The following GUCY1A2 variants were observed in gnomAD, a reference collection of about 807,000 sequenced individuals.
GUCY1A2 encodes guanylate cyclase 1 soluble subunit alpha 2, also known as guanylate cyclase soluble subunit alpha-2.
In GUCY1A2, 27 loss-of-function variants were observed where a neutral mutation model predicts 63.5. The ratio of observed to expected loss-of-function variants is 0.43; its 90% CI spans 0.31 to 0.59. The LOEUF (loss-of-function observed/expected upper bound fraction) is 0.59. GUCY1A2 is among the 20% of genes least tolerant of loss of function. The pLI is 0.11. For missense variants in GUCY1A2, 768 were observed against 913.3 expected, an observed-to-expected ratio of 0.84 and a Z score of 2.05; for synonymous variants, 364 against 343.5, an observed-to-expected ratio of 1.06 and a Z score of -0.66.
At chr11:106,930,161 G>A (rs1452471637) in intron 4 of GUCY1A2, among the ~76,000 whole-genome samples, 1 of 152,172 alleles carries the variant, frequency 6.6e-6, no homozygotes, top group African/African-American at 2.4e-5. Context: ...ACATATTTGT[G>A]GAAGTCAGGA....
At chr11:106,728,368 G>T (rs540419994) in intron 6 of GUCY1A2, among the ~76,000 whole-genome samples, 1 of 151,984 alleles carries the variant, frequency 6.6e-6, no homozygotes, top group Non-Finnish European at 1.5e-5. Flanking sequence ...GTACATTCCT[G>T]TATTTTAGTA....
chr11:106,954,215 CTT>C (rs1371611338), intron 3 of GUCY1A2, among the ~76,000 whole-genome samples: 1 of 152,076 alleles, frequency 6.6e-6, no homozygotes, highest in African/African-American at 2.4e-5. Context: ...TATGTTGTCT[CTT>C]TGTCATTGGT....
At chr11:106,954,602 G>A (rs1226888946) in intron 3 of GUCY1A2, among the ~76,000 whole-genome samples, 1 of 152,010 alleles carries the variant, frequency 6.6e-6, no homozygotes, top group Non-Finnish European at 1.5e-5. Flanking sequence ...CTGAGAGTGG[G>A]GTGTTAAAGT....
intron 3 of GUCY1A2, among the ~76,000 whole-genome samples, chr11:106,946,232 G>T (rs1029762051): frequency 6.6e-6 from 1 of 152,040 alleles, no homozygotes; most frequent in African/African-American, 2.4e-5. Flanking sequence ...AAAAACCCAT[G>T]GGTCTAATTC....
At chr11:107,016,145 C>A (rs547783536) in intron 1 of GUCY1A2, among the ~76,000 whole-genome samples, 5 of 152,176 alleles carry the variant, frequency 3.3e-5, no homozygotes, top group Admixed American at 2.6e-4. Context: ...CTTCTTAGGT[C>A]CCCCCTACCA....
intron 4 of GUCY1A2, among the ~76,000 whole-genome samples, chr11:106,850,640 T>A (rs924684034): frequency 7.9e-5 from 12 of 151,864 alleles, no homozygotes; most frequent in African/African-American, 2.9e-4. Context: ...GTGTTTAATA[T>A]AATGTCCTCC....
At chr11:106,964,116 C>A (rs142632976) in intron 3 of GUCY1A2, among the ~76,000 whole-genome samples, 1 of 152,086 alleles carries the variant, frequency 6.6e-6, no homozygotes, top group African/African-American at 2.4e-5. Flanking sequence ...GCCCCTTCAT[C>A]CCTAATACTT....
At chr11:106,797,382 A>C (rs915575825) in intron 5 of GUCY1A2, among the ~76,000 whole-genome samples, 1 of 152,086 alleles carries the variant, frequency 6.6e-6, no homozygotes, top group Non-Finnish European at 1.5e-5. Context: ...CGAGACAGAA[A>C]GTTAAAAAGG....
intron 1 of GUCY1A2, among the ~76,000 whole-genome samples, chr11:107,002,235 T>C (rs1360651567): frequency 1.3e-5 from 2 of 152,084 alleles, no homozygotes; most frequent in Non-Finnish European, 2.9e-5. Context: ...ATAAAATATA[T>C]TTAATATACC....
intron 5 of GUCY1A2, among the ~76,000 whole-genome samples, chr11:106,798,062 G>A (rs1168032081): frequency 3.3e-5 from 5 of 151,278 alleles, no homozygotes; most frequent in Middle Eastern, 3.4e-3. Context: ...TCAAATAGAC[G>A]CAATAATGAT....
chr11:106,728,745 C>CTGTT (rs1185686185), intron 6 of GUCY1A2, among the ~76,000 whole-genome samples: 32 of 152,244 alleles, frequency 2.1e-4, no homozygotes, highest in Admixed American at 5.9e-4. Context: ...TGACACTTAT[C>CTGTT]TGTTTGCATA....
At chr11:106,904,028 C>T (rs573838558) in intron 4 of GUCY1A2, among the ~76,000 whole-genome samples, 1 of 152,230 alleles carries the variant, frequency 6.6e-6, no homozygotes, top group South Asian at 2.1e-4. Flanking sequence ...AACAGAAAGC[C>T]ATCAAATTTC....
In GUCY1A2 at chr11:106,682,405, C is replaced by A. The variant is rs187762418; in HGVS notation, c.*5144G>T. On this transcript the variant is annotated 3_prime_UTR_variant, in exon 8 of 8. Transcript: ENST00000526355. ...TCTAAACACAGATTCCTAGGCCCTA[C>A]CTGAGACCTACTGAATCCAAATCTC... 2.1e-3 allele frequency: 435 copies of A among 210,760 alleles called. 9 individuals are homozygous for A. The highest frequency in any genetic ancestry group is 8.9e-4 in the Non-Finnish European group (92 of 103,816). 13.1% of individuals were successfully genotyped at this position (210,760 alleles called of 1,614,324 possible). A position where few individuals can be genotyped will look rare whatever the true frequency, so the allele number is the denominator to read the frequency against.
chr11:106,765,187 C>T (rs1864142046), intron 6 of GUCY1A2, among the ~76,000 whole-genome samples: 1 of 151,848 alleles, frequency 6.6e-6, no homozygotes, highest in Admixed American at 6.6e-5. Flanking sequence ...TCAAGCTAAC[C>T]CCTACCACAT....
chr11:106,831,893 T>C (rs1012977075), intron 4 of GUCY1A2, among the ~76,000 whole-genome samples: 3 of 152,186 alleles, frequency 2.0e-5, no homozygotes, highest in Admixed American at 1.3e-4. Flanking sequence ...ACACTTGAGA[T>C]GTGATCTAGA....
intron 4 of GUCY1A2, among the ~76,000 whole-genome samples, chr11:106,856,645 C>T (rs1021703391): frequency 6.6e-6 from 1 of 152,114 alleles, no homozygotes; most frequent in Admixed American, 6.5e-5. Flanking sequence ...TCTCTGCAGA[C>T]AGTCAAAATT....
chr11:106,719,548 TATC>T (rs1478507228), intron 6 of GUCY1A2, among the ~76,000 whole-genome samples: 1 of 152,206 alleles, frequency 6.6e-6, no homozygotes, highest in East Asian at 1.9e-4. Context: ...TAATAATGCT[TATC>T]ATCTTTCGTA....
chr11:106,796,313 G>A (rs1864759219), intron 5 of GUCY1A2, among the ~76,000 whole-genome samples: 1 of 152,046 alleles, frequency 6.6e-6, no homozygotes, highest in South Asian at 2.1e-4. Context: ...TACATTTAAG[G>A]TTAATATTGT....
At chr11:107,009,222 G>C (rs1280462869) in intron 1 of GUCY1A2, among the ~76,000 whole-genome samples, 2 of 152,138 alleles carry the variant, frequency 1.3e-5, no homozygotes, top group Non-Finnish European at 2.9e-5. Flanking sequence ...AGGTTTGAGA[G>C]GTGGCCCTAT....
Sources: allele counts gnomAD v4.1 joint callset (sites outside exome capture counted in the v4.1 genomes callset), GRCh38; gene constraint gnomAD v4.1.1; transcripts MANE v1.5; gene names NCBI Gene and HGNC (gene_info 2026-07-23, HGNC 2026-07-21).